NUP107: variants seen among roughly 807,000 people sequenced by gnomAD.
NUP107 encodes the protein nuclear pore complex protein Nup107.
A neutral mutation model predicts 141.0 loss-of-function variants in NUP107; 101 were observed. The ratio of observed to expected loss-of-function variants is 0.72; its 90% CI spans 0.61 to 0.84. The LOEUF is 0.84. Ranked by LOEUF, NUP107 falls within the 40% of genes least tolerant of loss-of-function variation. The pLI is 0.00. For missense variants in NUP107, 941 were observed against 1,102.7 expected, an observed-to-expected ratio of 0.85 and a Z score of 2.08; for synonymous variants, 319 against 363.9, an observed-to-expected ratio of 0.88 and a Z score of 1.41.
chr12:68,689,340 A>G (rs1875663991), intron 2 of NUP107, among the ~76,000 whole-genome samples, 193 bp from the exon 3 acceptor site: 1 of 152,234 alleles, frequency 6.6e-6, no homozygotes, highest in Admixed American at 6.5e-5. Flanking sequence ...GTGTGTAGTT[A>G]TCTAAGACTG....
chr12:68,696,752 C>A, intron 5 of NUP107, 67 bp from the exon 6 acceptor site: 2 of 820,862 alleles, frequency 2.4e-6, no homozygotes, highest in Non-Finnish European at 3.9e-6. Flanking sequence ...TTCAAACAAA[C>A]GGAATTACCT....
At chr12:68,721,078 A>G in intron 14 of NUP107, 40 bp from the exon 15 acceptor site, 1 of 1,367,470 alleles carries the variant, frequency 7.3e-7, no homozygotes, top group Non-Finnish European at 1.0e-6. Flanking sequence ...ATACTAAGAA[A>G]AACAATATTT....
intron 8 of NUP107, chr12:68,706,521 G>C (rs142630739): frequency 1.5e-6 from 1 of 679,544 alleles, no homozygotes; most frequent in East Asian, 2.6e-5. Flanking sequence ...GGAAGCATGG[G>C]ATGACCCGTG....
In NUP107 at chr12:68,706,738, G is replaced by A. The variant is rs555290589; in HGVS notation, c.730-2500G>A. The A allele has an allele frequency of 5.7e-5, 43 of 757,856 alleles. No individual in the cohort carries two copies. The South Asian group carries it at 5.8e-4, about 10-fold the overall frequency. The allele number at this position is 757,856 out of a possible 1,614,324, so 46.9% of individuals were successfully genotyped here. ...AGCAGGACATGGCACGGCAGCTGCG[G>A]GAGTACCAGGAGCTGATGAACTTCA... On this transcript the variant is annotated intron_variant, in intron 8 of 27. Transcript: ENST00000229179.
chr12:68,712,844 A>G (rs1190590555), intron 10 of NUP107, among the ~76,000 whole-genome samples: 2 of 152,120 alleles, frequency 1.3e-5, no homozygotes, highest in Non-Finnish European at 2.9e-5. Flanking sequence ...CAGAAAAATG[A>G]TATCTATGAG....
intron 25 of NUP107, among the ~76,000 whole-genome samples, 199 bp downstream of exon 25, chr12:68,735,032 A>G (rs987746411): frequency 6.6e-6 from 1 of 152,218 alleles, no homozygotes; most frequent in Non-Finnish European, 1.5e-5. Context: ...CCTTCAGGTG[A>G]CATGAGCGTT....
At chr12:68,700,593 C>A in intron 6 of NUP107, 133 bp from the exon 7 acceptor site, 1 of 512,350 alleles carries the variant, frequency 2.0e-6, no homozygotes. Flanking sequence ...TTTAAAAAGA[C>A]AAAATAGAGA....
chr12:68,704,967 C>T (rs1213566814), intron 8 of NUP107, among the ~76,000 whole-genome samples: 3 of 151,704 alleles, frequency 2.0e-5, no homozygotes, highest in African/African-American at 7.3e-5. Context: ...ACTGCAGCCT[C>T]GAACTCTTGG....
At chr12:68,705,532 T>TAA (rs34838748) in intron 8 of NUP107, 1,691 of 209,136 alleles carry the variant, frequency 8.1e-3, no homozygotes, top group Non-Finnish European at 0.01. Flanking sequence ...AAGTATTCTT[T>TAA]AAAAAAAAAA....
At chr12:68,725,837 G>GGCT in intron 18 of NUP107, 41 bp downstream of exon 18, 2 of 621,666 alleles carry the variant, frequency 3.2e-6, no homozygotes, top group East Asian at 6.7e-5. Context: ...TTTTGTGTGT[G>GGCT]TTTTTTTTTT....
rs181139403 is a variant in NUP107, at chr12:68,730,314, G to A, written c.1735-796G>A. On this transcript the variant is annotated intron_variant, in intron 20 of 27. Transcript: ENST00000229179. ...CAGCTCACTGCAACCCACCTCCCAA[G>A]TTCAAGTGATTCTCCTGCCTCAGCC... Among the ~76,000 whole-genome samples the A allele has an allele frequency of 1.3e-4, 18 of 140,272 alleles. No individual in the cohort carries two copies. The East Asian group carries it at 4.0e-3, about 31-fold the overall frequency. The allele number at this position is 140,272 out of a possible 152,430, so 92.0% of individuals were successfully genotyped here.
chr12:68,687,609 A>G, intron 1 of NUP107: 1 of 986,036 alleles, frequency 1.0e-6, no homozygotes, highest in Non-Finnish European at 1.2e-6. Context: ...TTTGGGGGCG[A>G]TTAAGTCTCC....
chr12:68,718,890 G>GTATGTATGTATT (rs1555178171), intron 12 of NUP107, among the ~76,000 whole-genome samples: 7 of 131,632 alleles, frequency 5.3e-5, no homozygotes, highest in African/African-American at 1.9e-4. Flanking sequence ...ATGTATGTAT[G>GTATGTATGTATT]TATTTATTTA....
chr12:68,700,900 A>G (rs2136007508), intron 7 of NUP107, 47 bp downstream of exon 7: 1 of 1,464,614 alleles, frequency 6.8e-7, no homozygotes, highest in East Asian at 2.5e-5. Flanking sequence ...AAGGTAATAA[A>G]CCAACAGGCA....
At chr12:68,715,394 C>T (rs1565695281) in intron 11 of NUP107, among the ~76,000 whole-genome samples, 2 of 151,770 alleles carry the variant, frequency 1.3e-5, no homozygotes, top group South Asian at 4.2e-4. Context: ...CTCGGGAGGC[C>T]GAGGCAGGAG....
rs768782642 is a variant in NUP107, at chr12:68,689,626, T to C, written c.187+7T>C. 3 of 1,595,910 alleles carry C rather than the reference T, an allele frequency of 1.9e-6. No individual in the cohort carries two copies. The highest frequency in any genetic ancestry group is 1.1e-5 in the South Asian group (1 of 88,910). On this transcript the variant is annotated splice_region_variant and intron_variant, in intron 3 of 27. Transcript: ENST00000229179. ...AGCTCATTTCGACAGCCTTGTAAGATTTTTTGCTTTTAAAGCATTTAATAA... is the reference window on the plus strand; with the variant it reads ...AGCTCATTTCGACAGCCTTGTAAGACTTTTTGCTTTTAAAGCATTTAATAA...
Position 68,689,000 on chromosome 12 carries a change from A to G in NUP107, c.47A>G (p.Glu16Gly). ...GAGATATCATCCCCTGTAATCCGGGAGGCAGAGGTGACACGGACTGCACGG... is the reference window on the plus strand; with the variant it reads ...GAGATATCATCCCCTGTAATCCGGGGGGCAGAGGTGACACGGACTGCACGG... ...FGEISSPVIREAEVTRTARKQ... is the reference protein window; with the variant it reads ...FGEISSPVIRGAEVTRTARKQ... The change falls in exon 2 of 28, where the codon GAG becomes GGG. Residue 16 changes from glutamate to glycine, a missense_variant. Coordinates refer to ENST00000229179, the MANE Select transcript of NUP107 (RefSeq NM_020401.4). 1 of 1,613,778 alleles carries G rather than the reference A, an allele frequency of 6.2e-7. No homozygotes were observed. Among genetic ancestry groups the G allele is most frequent in the Non-Finnish European group, 8.5e-7 (1 of 1,179,794 alleles).
Position 68,708,593 on chromosome 12 carries a change from A to G in NUP107, c.730-645A>G, listed in dbSNP as rs192529198. 7.9e-5 allele frequency among the ~76,000 whole-genome samples: 12 copies of G among 152,002 alleles called. No individual in the cohort carries two copies. In the East Asian group the frequency reaches 1.9e-3, roughly 24 times the overall value. On this transcript the variant is annotated intron_variant, in intron 8 of 27. Coordinates refer to ENST00000229179, the MANE Select transcript of NUP107 (RefSeq NM_020401.4). The stretch of plus-strand genomic sequence containing the variant: ...AAATGTTTAGTTTCTAACATGTAAC[A>G]GGGCTGTATTCAGCCCTGTATTACA...
chr12:68,689,783 C>T (rs1426474568), intron 3 of NUP107, 164 bp downstream of exon 3: 1 of 558,164 alleles, frequency 1.8e-6, no homozygotes, highest in African/African-American at 1.9e-5. Flanking sequence ...GTACAAGGTA[C>T]TGTACTTTCC....
Sources: allele counts gnomAD v4.1 joint callset (sites outside exome capture counted in the v4.1 genomes callset), GRCh38; gene constraint gnomAD v4.1.1; transcripts MANE v1.5; gene names NCBI Gene and HGNC (gene_info 2026-07-23, HGNC 2026-07-21).